The following BRD9 variants were observed in gnomAD, a reference collection of about 807,000 sequenced individuals.
BRD9 encodes bromodomain-containing protein 9.
BRD9 carries 47 observed loss-of-function variants against 68.7 expected under a neutral mutation model. The observed-to-expected ratio is 0.68, with a 90% CI of 0.54 to 0.87. The LOEUF (loss-of-function observed/expected upper bound fraction) is 0.87, where lower values mean the gene tolerates loss of function less well. BRD9 is among the 40% of genes least tolerant of loss of function. The probability of loss-of-function intolerance (pLI) is 0.00; values close to 1 mark genes in which losing one functional copy is unlikely to be tolerated. For missense variants in BRD9, 670 were observed against 748.4 expected, an observed-to-expected ratio of 0.90 and a Z score of 1.22; for synonymous variants, 313 against 293.9, an observed-to-expected ratio of 1.06 and a Z score of -0.67.
intron 3 of BRD9, 64 bp downstream of exon 3, chr5:891,091 C>T: frequency 6.7e-7 from 1 of 1,485,932 alleles, no homozygotes; most frequent in South Asian, 1.3e-5. Flanking sequence ...GGACACGGTG[C>T]CGACCCCTCA....
Position 891,242 on chromosome 5 carries a change from C to G in BRD9, c.313G>C (p.Gly105Arg), listed in dbSNP as rs1753331525. ...CCAGGATCAAAGTCGTCAGCCTCTC[C>G]CTCCGTGTCACAGTGCTCCCTCTCT... ...KREREHCDTE[G>R]EADDFDPGKK... Residue 105 changes from glycine to arginine, a missense_variant, in exon 3 of 16, where the codon GGA becomes CGA. Physicochemically the swap from Gly to Arg is moderately radical, Grantham distance 125. This residue lies in a region of BRD9 where 161 missense variants were observed against 148.1 expected (regional missense o/e 1.09). Coordinates refer to ENST00000467963, the MANE Select transcript of BRD9 (RefSeq NM_023924.5). 2 of 1,551,810 alleles carry G rather than the reference C, an allele frequency of 1.3e-6. No individual in the cohort carries two copies. The highest frequency in any genetic ancestry group is 8.7e-7 in the Non-Finnish European group (1 of 1,147,062).
In BRD9 at chr5:864,452, T is replaced by A. The variant is rs758090084; in HGVS notation, c.*16A>T. 19 of 1,561,932 alleles carry A rather than the reference T, an allele frequency of 1.2e-5. No individual in the cohort carries two copies. The East Asian group carries it at 4.3e-4, about 35-fold the overall frequency. ...AACTAAAAAAATAAAATAAAAGAGC[T>A]GAAGGTGGTCTAGAGTTAGGTCTTG... On this transcript the variant is annotated 3_prime_UTR_variant, in exon 16 of 16. Transcript: ENST00000467963.
chr5:892,394 C>T, intron 1 of BRD9: 2 of 1,172,562 alleles, frequency 1.7e-6, no homozygotes, highest in Non-Finnish European at 2.3e-6. Flanking sequence ...GAACCCAGAA[C>T]CCTCTACCAG....
At chr5:885,339 C>T (rs73733966) in intron 7 of BRD9, among the ~76,000 whole-genome samples, 5,730 of 152,322 alleles carry the variant, frequency 0.038, 342 homozygotes, top group African/African-American at 0.13. Flanking sequence ...GCTGCAGGAC[C>T]TGAGGGGCTG....
intron 12 of BRD9, among the ~76,000 whole-genome samples, chr5:875,824 AT>A (rs1455294019): frequency 6.6e-6 from 1 of 152,252 alleles, no homozygotes; most frequent in Non-Finnish European, 1.5e-5. Context: ...TACAGGAAAT[AT>A]TTTTTTAAAC....
At position 886,573 on chromosome 5, in the gene BRD9, G is replaced by A. The variant is rs1316668001; in HGVS notation, c.833+19C>T. The A allele has an allele frequency of 2.5e-6, 4 of 1,605,630 alleles. No individual in the cohort carries two copies. Among genetic ancestry groups the A allele is most frequent in the Non-Finnish European group, 3.4e-6 (4 of 1,175,052 alleles). ...GTGCTCAACTCCAAAAGCAAATGTG[G>A]TTTCCACAGAACCTTTACCTGATAA... On this transcript the variant is annotated intron_variant, in intron 7 of 15. Transcript: ENST00000467963.
chr5:864,736 T>C (rs1358247144), intron 15 of BRD9, among the ~76,000 whole-genome samples, 168 bp from the exon 16 acceptor site: 1 of 152,158 alleles, frequency 6.6e-6, no homozygotes, highest in Non-Finnish European at 1.5e-5. Flanking sequence ...GTAGAGACCC[T>C]GGAGCCAGGG....
At chr5:881,264 T>G in intron 8 of BRD9, 82 bp from the exon 9 acceptor site, 1 of 1,318,046 alleles carries the variant, frequency 7.6e-7, no homozygotes, top group Non-Finnish European at 1.1e-6. Context: ...CAAGCAGGGC[T>G]TAATGGGGGT....
intron 3 of BRD9, 124 bp from the exon 4 acceptor site, chr5:889,771 G>C (rs771267389): frequency 6.6e-7 from 1 of 1,524,058 alleles, no homozygotes; most frequent in South Asian, 1.2e-5. Flanking sequence ...CGAGAACTGG[G>C]GATATAAAGA....
intron 11 of BRD9, 27 bp from the exon 12 acceptor site, chr5:876,239 C>G: frequency 6.3e-7 from 1 of 1,575,230 alleles, no homozygotes; most frequent in Non-Finnish European, 8.7e-7. Flanking sequence ...AGAAGGTACG[C>G]TGAAAGGAGC....
Position 887,477 on chromosome 5 carries a change from A to G in BRD9, c.607-6T>C. ...CACATCAGCTTGAAATCTGCCTGAAAAGAAAACAGGAAAGACTTATCAGGT... is the reference window on the plus strand; with the variant it reads ...CACATCAGCTTGAAATCTGCCTGAAGAGAAAACAGGAAAGACTTATCAGGT... On this transcript the variant is annotated splice_region_variant and splice_polypyrimidine_tract_variant and intron_variant, in intron 5 of 15. Transcript: ENST00000467963. 1 of 1,606,838 alleles carries G rather than the reference A, an allele frequency of 6.2e-7. No individual in the cohort carries two copies. The highest frequency in any genetic ancestry group is 2.2e-5 in the East Asian group (1 of 44,824).
At chr5:874,660 G>A (rs1750641323) in intron 12 of BRD9, among the ~76,000 whole-genome samples, 1 of 152,218 alleles carries the variant, frequency 6.6e-6, no homozygotes, top group African/African-American at 2.4e-5. Context: ...ATACGAACGT[G>A]GCTCAAGGAT....
rs200294236 is a variant in BRD9, at chr5:886,595, A to C, written c.830T>G (p.Ile277Ser). 3.2e-5 allele frequency: 52 copies of C among 1,613,366 alleles called. No individual in the cohort carries two copies. The highest frequency in any genetic ancestry group is 4.3e-5 in the Non-Finnish European group (51 of 1,179,682). Residue 277 changes from isoleucine (I) to serine (S), a missense_variant, in exon 7 of 16, where the codon ATC (isoleucine) becomes AGC (serine). Ile to Ser is a moderately radical substitution (Grantham distance 142, BLOSUM62 -2). This residue lies in a region of BRD9 where 135 missense variants were observed against 141.2 expected (regional missense o/e 0.96). Transcript: ENST00000467963. ...KKSKKPSREV[I>S]SCMFEPEGNA... ...GTGGTTTCCACAGAACCTTTACCTG[A>C]TAACTTCTCTACTCGGCTTTTTGGA... is the stretch of plus-strand genomic sequence containing the variant.
chr5:865,662 C>T, intron 14 of BRD9, 81 bp from the exon 15 acceptor site: 2 of 1,400,480 alleles, frequency 1.4e-6, no homozygotes, highest in Non-Finnish European at 1.9e-6. Flanking sequence ...ACTGCCCATC[C>T]AGACAGGCCT....
intron 5 of BRD9, chr5:888,545 A>C (rs1177612900): frequency 1.3e-5 from 2 of 152,502 alleles, no homozygotes; most frequent in East Asian, 3.8e-4. Flanking sequence ...TGGGTTGCAA[A>C]ACCAATGAGC....
chr5:877,671 T>C (rs1011027940), intron 11 of BRD9, among the ~76,000 whole-genome samples: 4 of 152,332 alleles, frequency 2.6e-5, no homozygotes, highest in African/African-American at 9.6e-5. Flanking sequence ...ATTTTAGTAT[T>C]ATACTTTAGC....
intron 12 of BRD9, among the ~76,000 whole-genome samples, chr5:872,969 A>G (rs913205027): frequency 6.6e-6 from 1 of 152,210 alleles, no homozygotes; most frequent in African/African-American, 2.4e-5. Context: ...GTTAAAGACC[A>G]GCCTGGCCAA....
At chr5:865,377 G>C in intron 15 of BRD9, 37 bp downstream of exon 15, 2 of 1,539,216 alleles carry the variant, frequency 1.3e-6, no homozygotes, top group South Asian at 1.2e-5. Context: ...ACTGTGCTGG[G>C]GTCTCTGGGG....
intron 14 of BRD9, chr5:868,919 C>G (rs1467002854): frequency 5.7e-6 from 1 of 175,026 alleles, no homozygotes; most frequent in Non-Finnish European, 1.2e-5. Flanking sequence ...TGCTGGAGGT[C>G]AGAACAGCTC....
Sources: allele counts gnomAD v4.1 joint callset (sites outside exome capture counted in the v4.1 genomes callset), GRCh38; gene constraint gnomAD v4.1.1; regional missense constraint gnomAD v4.1.1; transcripts MANE v1.5; gene names NCBI Gene and HGNC (gene_info 2026-07-23, HGNC 2026-07-21).